The following ABCA12 variants were observed in gnomAD, a reference collection of about 807,000 sequenced individuals.
ABCA12 encodes glucosylceramide transporter ABCA12.
ABCA12 carries 156 observed loss-of-function variants against 293.5 expected under a neutral mutation model. The observed-to-expected ratio is 0.53, with a 90% CI of 0.47 to 0.61. The LOEUF (loss-of-function observed/expected upper bound fraction) is 0.61. Ranked by LOEUF, ABCA12 falls within the 20% of genes least tolerant of loss-of-function variation. The probability of loss-of-function intolerance (pLI) is 0.00; values close to 1 mark genes in which losing one functional copy is unlikely to be tolerated. For missense variants in ABCA12, 2,797 were observed against 3,090.2 expected, an observed-to-expected ratio of 0.91 and a Z score of 2.25; for synonymous variants, 1,063 against 1,108.0, an observed-to-expected ratio of 0.96 and a Z score of 0.81.
intron 2 of ABCA12, among the ~76,000 whole-genome samples, chr2:215,096,149 A>G (rs1382326112): frequency 1.3e-5 from 2 of 152,198 alleles, no homozygotes; most frequent in South Asian, 4.1e-4. Flanking sequence ...AGCCCTTACT[A>G]TATGCATCTA....
chr2:215,084,489 G>A (rs1702002094), intron 2 of ABCA12, among the ~76,000 whole-genome samples: 1 of 152,062 alleles, frequency 6.6e-6, no homozygotes, highest in South Asian at 2.1e-4. Flanking sequence ...TATAAAACTG[G>A]ACAAAGTACT....
At position 214,978,994 on chromosome 2, in the gene ABCA12, G is replaced by C. The variant is rs1699588190; in HGVS notation, c.4787C>G (p.Thr1596Arg). Reference sequence around the variant, plus strand: ...GGGGAGATGTGATTGGATCATTGCTGTCACGGCCATGGTGTCACATACTGC... The same window carrying C: ...GGGGAGATGTGATTGGATCATTGCTCTCACGGCCATGGTGTCACATACTGC... ...ANAVCDTMAV[T>R]AMIQSHLPEA... The change falls in exon 32 of 53, where the codon ACA (threonine) becomes AGA (arginine). Residue 1596 changes from threonine to arginine, a missense_variant. Around this residue, in one of 3 missense-constraint regions of ABCA12, gnomAD observed 2,130 missense variants for 2,427.0 expected, o/e 0.88. Coordinates refer to ENST00000272895, the MANE Select transcript of ABCA12 (RefSeq NM_173076.3). 2 of 1,614,090 alleles carry C rather than the reference G, an allele frequency of 1.2e-6. No homozygotes were observed. The highest frequency in any genetic ancestry group is 1.7e-6 in the Non-Finnish European group (2 of 1,179,978).
intron 6 of ABCA12, among the ~76,000 whole-genome samples, chr2:215,046,336 G>A (rs1026659684): frequency 6.7e-6 from 1 of 149,076 alleles, no homozygotes; most frequent in Admixed American, 6.7e-5. Flanking sequence ...TCTGAGTAAT[G>A]TTTTTTTTTC....
At chr2:214,968,925 T>TA (rs1699327008) in intron 37 of ABCA12, 118 bp from the exon 38 acceptor site, 1 of 766,434 alleles carries the variant, frequency 1.3e-6, no homozygotes, top group African/African-American at 1.7e-5. Flanking sequence ...ATTTACAGTA[T>TA]AAAATGAATA....
At chr2:215,125,258 T>C (rs1343071757) in intron 1 of ABCA12, among the ~76,000 whole-genome samples, 11 of 152,196 alleles carry the variant, frequency 7.2e-5, no homozygotes, top group Admixed American at 7.2e-4. Context: ...ATTTGTTCTT[T>C]TTGTTTAGTC....
chr2:215,057,742 T>A (rs908059705), intron 3 of ABCA12, among the ~76,000 whole-genome samples: 1 of 152,078 alleles, frequency 6.6e-6, no homozygotes, highest in African/African-American at 2.4e-5. Flanking sequence ...GGATACTTGA[T>A]AATGAGGAAC....
At chr2:215,116,046 T>C (rs1431754043) in intron 1 of ABCA12, among the ~76,000 whole-genome samples, 1 of 152,178 alleles carries the variant, frequency 6.6e-6, no homozygotes, top group Non-Finnish European at 1.5e-5. Context: ...AAGGTAATTA[T>C]AACAATTGGA....
intron 2 of ABCA12, among the ~76,000 whole-genome samples, chr2:215,107,297 A>G (rs1702482841): frequency 6.6e-6 from 1 of 152,214 alleles, no homozygotes; most frequent in Non-Finnish European, 1.5e-5. Flanking sequence ...TGTGTCTTGT[A>G]GAGATTTGTG....
intron 30 of ABCA12, among the ~76,000 whole-genome samples, chr2:214,981,951 ATTATT>A (rs1699669189): frequency 1.7e-5 from 2 of 118,482 alleles, no homozygotes; most frequent in African/African-American, 7.6e-5. Context: ...TTTTATTATT[ATTATT>A]ATTATTATTA....
intron 2 of ABCA12, among the ~76,000 whole-genome samples, chr2:215,064,688 T>TACACAC (rs1323183587): frequency 2.3e-5 from 3 of 128,578 alleles, no homozygotes; most frequent in African/African-American, 9.6e-5. Flanking sequence ...AATCTTTTAA[T>TACACAC]ACACGCACAC....
chr2:214,943,817 C>T (rs1417503770), intron 49 of ABCA12, among the ~76,000 whole-genome samples: 1 of 152,138 alleles, frequency 6.6e-6, no homozygotes, highest in Non-Finnish European at 1.5e-5. Context: ...ACCCTGTCCA[C>T]CTCTTACAAA....
chr2:214,968,826 A>C lies in ABCA12; in HGVS notation c.5691-19T>G. 1.9e-6 allele frequency: 3 copies of C among 1,606,762 alleles called. No individual in the cohort carries two copies. Among genetic ancestry groups the C allele is most frequent in the Non-Finnish European group, 2.6e-6 (3 of 1,173,590 alleles). ...TCCATATCTACAGAGAGTAATAAAA[A>C]TATATCTTTGGTTTAGTGGAGAAAA... On this transcript the variant is annotated intron_variant, in intron 37 of 52. Coordinates refer to ENST00000272895, the MANE Select transcript of ABCA12 (RefSeq NM_173076.3).
chr2:214,933,950 T>C, intron 52 of ABCA12, 128 bp downstream of exon 52: 1 of 999,970 alleles, frequency 1.0e-6, no homozygotes, highest in Non-Finnish European at 1.5e-6. Context: ...TTTGCTAAGT[T>C]TTTCAGGTGC....
chr2:215,025,608 TTTG>T (rs1318251843), intron 11 of ABCA12, 62 bp downstream of exon 11: 47 of 1,111,106 alleles, frequency 4.2e-5, no homozygotes, highest in African/African-American at 1.6e-4. Context: ...AGGTTTTTTT[TTTG>T]TTTGTTTTGT....
chr2:215,130,928 T>G (rs554701800), intron 1 of ABCA12, among the ~76,000 whole-genome samples: 1 of 142,352 alleles, frequency 7.0e-6, no homozygotes, highest in East Asian at 1.9e-4. Flanking sequence ...ATGCCTAGTC[T>G]GCTGAGGGTT....
chr2:214,971,003 G>T (rs1559121875), intron 36 of ABCA12, among the ~76,000 whole-genome samples: 1 of 152,104 alleles, frequency 6.6e-6, no homozygotes, highest in African/African-American at 2.4e-5. Context: ...GAGAGTTCCT[G>T]TGTACCCTGG....
At chr2:214,991,937 C>T (rs1343259312) in intron 23 of ABCA12, among the ~76,000 whole-genome samples, 1 of 152,054 alleles carries the variant, frequency 6.6e-6, no homozygotes, top group Non-Finnish European at 1.5e-5. Context: ...ATGTAGATGA[C>T]AGGTTGATGA....
At chr2:215,033,734 G>A (rs1700928949) in intron 8 of ABCA12, among the ~76,000 whole-genome samples, 1 of 152,080 alleles carries the variant, frequency 6.6e-6, no homozygotes, top group Non-Finnish European at 1.5e-5. Context: ...GAGGTCAGGA[G>A]ATCGAGATCA....
rs1701341097 is a variant in ABCA12, at chr2:215,052,558, C to T, written c.436G>A (p.Asp146Asn). ...GTATATGTTCCGGGGATTTCCAAAT[C>T]AGAACTTGGACTGGGAAATACTGTG... The part of the protein sequence containing the change: ...LATVFPSPSS[D>N]LEIPGTYTFN... The change falls in exon 5 of 53, where the codon GAT becomes AAT. Residue 146 changes from aspartate (D) to asparagine (N), a missense_variant. By Grantham distance (23) the Asp-to-Asn change is conservative. Coordinates refer to ENST00000272895, the MANE Select transcript of ABCA12 (RefSeq NM_173076.3). 1 of 1,612,486 alleles carries T rather than the reference C, an allele frequency of 6.2e-7. No homozygotes were observed. Among genetic ancestry groups the T allele is most frequent in the Non-Finnish European group, 8.5e-7 (1 of 1,178,880 alleles).
Sources: gnomAD v4.1 joint callset for allele counts (sites outside exome capture counted in the v4.1 genomes callset) on GRCh38, gnomAD v4.1.1 for gene constraint, gnomAD v4.1.1 regional missense constraint, MANE v1.5 for transcripts, NCBI Gene and HGNC (gene_info 2026-07-23, HGNC 2026-07-21) for gene names.